KCNIP4: variants seen among roughly 807,000 people sequenced by gnomAD.
KCNIP4 encodes Kv channel-interacting protein 4.
A neutral mutation model predicts 34.0 loss-of-function variants in KCNIP4; 12 were observed. That is an observed-to-expected ratio of 0.35 (90% CI 0.23 to 0.57). The LOEUF (loss-of-function observed/expected upper bound fraction) is 0.57, where lower values mean the gene tolerates loss of function less well. KCNIP4 is among the 20% of genes least tolerant of loss of function. KCNIP4 has a pLI of 0.83. For missense variants in KCNIP4, 238 were observed against 311.7 expected (o/e 0.76, Z 1.78); for synonymous variants, 124 against 102.2 (o/e 1.21, Z -1.29).
At chr4:20,896,503 C>A (rs1480870350) in intron 1 of KCNIP4, among the ~76,000 whole-genome samples, 1 of 152,096 alleles carries the variant, frequency 6.6e-6, no homozygotes, top group African/African-American at 2.4e-5. Context: ...AAGACAGACA[C>A]ACAGAGAGGG....
At position 20,757,707 on chromosome 4, in the gene KCNIP4, G is replaced by A. The variant is rs902538599; in HGVS notation, c.358+1114C>T. Among the ~76,000 whole-genome samples, 8 of 152,248 alleles carry A rather than the reference G, an allele frequency of 5.3e-5. No homozygotes were observed. The South Asian group carries it at 6.2e-4, about 12-fold the overall frequency. On this transcript the variant is annotated intron_variant, in intron 4 of 8. Transcript: ENST00000382152. Reference sequence around the variant, plus strand: ...CTCCTGAGAGGTATAATGGGAGAGCGAAAGACTATACACTTTGGAAATGGA... The same window carrying A: ...CTCCTGAGAGGTATAATGGGAGAGCAAAAGACTATACACTTTGGAAATGGA...
intron 1 of KCNIP4, among the ~76,000 whole-genome samples, chr4:21,921,845 T>C (rs1376387333): frequency 3.3e-5 from 5 of 152,188 alleles, no homozygotes; most frequent in African/African-American, 4.8e-5. Context: ...TTCCCATAAA[T>C]CAGCCAGAGT....
At chr4:21,322,917 A>T (rs558630278) in intron 1 of KCNIP4, among the ~76,000 whole-genome samples, 1 of 152,202 alleles carries the variant, frequency 6.6e-6, no homozygotes, top group East Asian at 1.9e-4. Context: ...TATATCTAAC[A>T]GCAATTTGCC....
rs549491456 is a variant in KCNIP4 at position 21,428,648 on chromosome 4, A to T, written c.61+519923T>A. Among the ~76,000 whole-genome samples the T allele has an allele frequency of 2.6e-5, 4 of 152,296 alleles. No individual in the cohort carries two copies. In the South Asian group the frequency reaches 8.3e-4, roughly 32 times the overall value. On this transcript the variant is annotated intron_variant, in intron 1 of 8. Transcript: ENST00000382152. Reference sequence around the variant, plus strand: ...AATTGGTAACATCCAGATTTCATTTATGGTGGTATGCTTGCTGACTAGCCA... The same window carrying T: ...AATTGGTAACATCCAGATTTCATTTTTGGTGGTATGCTTGCTGACTAGCCA...
intron 1 of KCNIP4, among the ~76,000 whole-genome samples, chr4:21,624,960 G>A (rs1745226554): frequency 6.6e-6 from 1 of 152,106 alleles, no homozygotes; most frequent in Non-Finnish European, 1.5e-5. Flanking sequence ...GTAGCTGACA[G>A]AATGTGGCAA....
intron 3 of KCNIP4, among the ~76,000 whole-genome samples, chr4:20,768,076 C>T (rs1296151981): frequency 6.6e-6 from 1 of 152,154 alleles, no homozygotes; most frequent in East Asian, 1.9e-4. Context: ...TGACACAATC[C>T]TACAACCTGT....
At chr4:21,711,603 T>C (rs1264518072) in intron 1 of KCNIP4, among the ~76,000 whole-genome samples, 1 of 152,246 alleles carries the variant, frequency 6.6e-6, no homozygotes, top group East Asian at 1.9e-4. Context: ...TATACTGCTT[T>C]GAAAAAGAAA....
rs371442752 is a variant in KCNIP4 at position 21,548,529 on chromosome 4, A to C, written c.61+400042T>G. ...ATAAAATGTATCTGCAAATATGTCT[A>C]TAATGACTGCTGATCATAAGATTTC... On this transcript the variant is annotated intron_variant, in intron 1 of 8. Transcript: ENST00000382152. Among the ~76,000 whole-genome samples, 7 of 151,984 alleles carry C rather than the reference A, an allele frequency of 4.6e-5. No homozygotes were observed. In the East Asian group the frequency reaches 1.4e-3, roughly 29 times the overall value.
intron 1 of KCNIP4, among the ~76,000 whole-genome samples, chr4:21,220,256 C>T (rs1050639316): frequency 2.0e-5 from 3 of 152,082 alleles, no homozygotes; most frequent in African/African-American, 7.2e-5. Flanking sequence ...TAACCATGGG[C>T]ACAAATTGGG....
intron 3 of KCNIP4, 120 bp downstream of exon 3, chr4:20,850,423 A>T: frequency 9.8e-7 from 1 of 1,015,408 alleles, no homozygotes; most frequent in Non-Finnish European, 1.5e-6. Context: ...GGGAAGGATC[A>T]GTATGAAATA....
chr4:21,192,317 A>C (rs1044125244), intron 1 of KCNIP4, among the ~76,000 whole-genome samples: 1 of 152,224 alleles, frequency 6.6e-6, no homozygotes, highest in Non-Finnish European at 1.5e-5. Context: ...GTATGGATTA[A>C]TTATAAATGA....
At chr4:21,735,608 T>A (rs1165103168) in intron 1 of KCNIP4, among the ~76,000 whole-genome samples, 1 of 151,102 alleles carries the variant, frequency 6.6e-6, no homozygotes, top group Non-Finnish European at 1.5e-5. Flanking sequence ...AAAATAAAGA[T>A]TTGTTTTTGT....
intron 1 of KCNIP4, among the ~76,000 whole-genome samples, chr4:21,231,332 CTT>C (rs1758774448): frequency 6.6e-6 from 1 of 152,064 alleles, no homozygotes; most frequent in Non-Finnish European, 1.5e-5. Flanking sequence ...AGTATTAAAA[CTT>C]TTACATTCTT....
At chr4:21,150,045 G>C (rs1456690515) in intron 1 of KCNIP4, among the ~76,000 whole-genome samples, 1 of 152,080 alleles carries the variant, frequency 6.6e-6, no homozygotes, top group East Asian at 1.9e-4. Flanking sequence ...TGTCATATCA[G>C]GGCAATGATA....
At chr4:21,039,806 TAATA>T (rs1741791423) in intron 1 of KCNIP4, among the ~76,000 whole-genome samples, 1 of 152,218 alleles carries the variant, frequency 6.6e-6, no homozygotes, top group Admixed American at 6.5e-5. Context: ...TTTAATTAAT[TAATA>T]GATGAGTGAA....
At chr4:21,424,625 GA>G (rs1266860212) in intron 1 of KCNIP4, among the ~76,000 whole-genome samples, 1 of 151,692 alleles carries the variant, frequency 6.6e-6, no homozygotes, top group African/African-American at 2.4e-5. Flanking sequence ...AAGAAAGAAA[GA>G]GAGAAAGCAA....
At chr4:20,800,257 A>G (rs551394031) in intron 3 of KCNIP4, among the ~76,000 whole-genome samples, 22 of 152,292 alleles carry the variant, frequency 1.4e-4, no homozygotes, top group African/African-American at 4.3e-4. Flanking sequence ...ACTTTGCCCA[A>G]CCAGTACCCT....
chr4:21,495,424 T>G (rs1332585726), intron 1 of KCNIP4, among the ~76,000 whole-genome samples: 1 of 152,162 alleles, frequency 6.6e-6, no homozygotes, highest in Non-Finnish European at 1.5e-5. Flanking sequence ...CTAAAATCAC[T>G]GCTCTGCTCT....
chr4:21,427,414 A>T (rs921241252), intron 1 of KCNIP4, among the ~76,000 whole-genome samples: 6 of 152,088 alleles, frequency 3.9e-5, no homozygotes, highest in African/African-American at 9.7e-5. Context: ...GTGACTAATT[A>T]AAAAAGGGAC....
Sources: allele counts gnomAD v4.1 joint callset (sites outside exome capture counted in the v4.1 genomes callset), GRCh38; gene constraint gnomAD v4.1.1; transcripts MANE v1.5; gene names NCBI Gene and HGNC (gene_info 2026-07-23, HGNC 2026-07-21).